ISY1: variants seen among roughly 807,000 people sequenced by gnomAD.
The protein encoded by ISY1 is pre-mRNA-splicing factor ISY1 homolog.
Under a neutral mutation model 54.4 loss-of-function variants are expected in ISY1, and 12 were observed. The ratio of observed to expected loss-of-function variants is 0.22; its 90% CI spans 0.14 to 0.36. The LOEUF (loss-of-function observed/expected upper bound fraction) is 0.36, where lower values mean the gene tolerates loss of function less well. Among genes scored for constraint, ISY1 ranks in the 10% least tolerant of loss-of-function variants. The pLI, the probability that ISY1 is intolerant of heterozygous loss-of-function variation, is 1.00. For missense variants in ISY1, 282 were observed against 342.2 expected (o/e 0.82, Z 1.39); for synonymous variants, 96 against 117.9 (o/e 0.81, Z 1.20).
chr3:129,160,918 G>GGCCCGGGGGGGGGGGGGGGGCC (rs1937290161), intron 1 of ISY1, 55 bp downstream of exon 1: 2 of 666,126 alleles, frequency 3.0e-6, no homozygotes, highest in Non-Finnish European at 5.5e-6. Flanking sequence ...TGGACTGGGC[G>GGCCCGGGGGGGGGGGGGGGGCC]CCCCCCCGCC....
intron 3 of ISY1, among the ~76,000 whole-genome samples, chr3:129,157,227 AAAAC>A (rs1937167626): frequency 6.6e-6 from 1 of 152,244 alleles, no homozygotes; most frequent in Non-Finnish European, 1.5e-5. Context: ...ATCAGTGTTT[AAAAC>A]AAACATACAT....
chr3:129,135,048 G>T, intron 7 of ISY1, 94 bp from the exon 8 acceptor site: 5 of 1,435,404 alleles, frequency 3.5e-6, no homozygotes, highest in Non-Finnish European at 3.7e-6. Context: ...CACGTGGCAC[G>T]TATGTTCATG....
Position 129,159,248 on chromosome 3 carries a change from G to A in ISY1, c.4-72C>T, listed in dbSNP as rs1937234172. 4.5e-6 allele frequency: 7 copies of A among 1,564,640 alleles called. No homozygotes were observed. The South Asian group carries it at 8.4e-5, about 19-fold the overall frequency. On this transcript the variant is annotated intron_variant, in intron 1 of 10. Transcript: ENST00000393295. ...TTTTTTTCTTGCCCTTTACTTTTTA[G>A]TGAAAAGTTTTACAAGAATACAATC...
chr3:129,151,142 AT>A (rs1360817363), intron 5 of ISY1, among the ~76,000 whole-genome samples: 47 of 101,696 alleles, frequency 4.6e-4, no homozygotes, highest in African/African-American at 1.9e-3. Context: ...ATATATATAT[AT>A]AAATATATAA....
At chr3:129,148,275 T>G (rs538139825) in intron 5 of ISY1, among the ~76,000 whole-genome samples, 1 of 152,328 alleles carries the variant, frequency 6.6e-6, no homozygotes, top group South Asian at 2.1e-4. Context: ...AACAGAAAAG[T>G]ATTACATTTC....
chr3:129,141,094 C>A (rs1388092962), intron 6 of ISY1, among the ~76,000 whole-genome samples: 1 of 150,872 alleles, frequency 6.6e-6, no homozygotes, highest in Non-Finnish European at 1.5e-5. Context: ...ATCCCAGCTA[C>A]TCAGGAGACT....
At chr3:129,140,221 T>C in intron 7 of ISY1, 147 bp downstream of exon 7, 1 of 723,536 alleles carries the variant, frequency 1.4e-6, no homozygotes, top group Non-Finnish European at 2.2e-6. Flanking sequence ...TTCTTAAGAA[T>C]TCTCAGTTAA....
intron 5 of ISY1, among the ~76,000 whole-genome samples, chr3:129,153,603 G>A (rs563573622): frequency 3.5e-4 from 53 of 150,742 alleles, no homozygotes; most frequent in Non-Finnish European, 5.6e-4. Flanking sequence ...CTAACATGGT[G>A]AAACCCCGTC....
rs1007091662 is a variant in ISY1, at chr3:129,129,102, GC to G, written c.*978del. The G allele has an allele frequency of 6.6e-6, 1 of 152,306 alleles. No individual in the cohort carries two copies. Among genetic ancestry groups the G allele is most frequent in the African/African-American group, 2.4e-5 (1 of 41,464 alleles). The allele number at this position is 152,306 out of a possible 1,614,324, so 9.4% of individuals were successfully genotyped here. On this transcript the variant is annotated 3_prime_UTR_variant, in exon 11 of 11. Transcript: ENST00000393295. ...AGGGACTCCCCTGCAGGAAGGCAGT[GC>G]CCCTTAGTGACTGGTCACATCCTAA...
Position 129,129,973 on chromosome 3 carries a change from G to A in ISY1, c.*108C>T. 1.2e-6 allele frequency: 1 copy of A among 800,760 alleles called. No homozygotes were observed. The highest frequency in any genetic ancestry group is 2.0e-6 in the Non-Finnish European group (1 of 512,212). The allele number at this position is 800,760 out of a possible 1,614,324, so 49.6% of individuals were successfully genotyped here. ...CATGAGACAAGGAGAGGGAAGGAAG[G>A]CTGAGAATGGGGCAGGAGCCCTTGC... On this transcript the variant is annotated 3_prime_UTR_variant, in exon 11 of 11. Coordinates refer to ENST00000393295, the MANE Select transcript of ISY1 (RefSeq NM_020701.4).
At chr3:129,160,026 C>G (rs1438829338) in intron 1 of ISY1, among the ~76,000 whole-genome samples, 1 of 147,146 alleles carries the variant, frequency 6.8e-6, no homozygotes, top group East Asian at 2.0e-4. Flanking sequence ...ACGGCTACTA[C>G]TTTTTTTTTT....
At position 129,145,742 on chromosome 3, in the gene ISY1, G is replaced by A. The variant is rs1936749419; in HGVS notation, c.300+19C>T. Reference sequence around the variant, plus strand: ...GGAAAACTAGACAAGACCCGCCACTGGGGCTGCCATGTACTCACTCCATAA... The same window carrying A: ...GGAAAACTAGACAAGACCCGCCACTAGGGCTGCCATGTACTCACTCCATAA... On this transcript the variant is annotated intron_variant, in intron 6 of 10. Coordinates refer to ENST00000393295, the MANE Select transcript of ISY1 (RefSeq NM_020701.4). The A allele has an allele frequency of 6.2e-7, 1 of 1,609,834 alleles. No individual in the cohort carries two copies. The highest frequency in any genetic ancestry group is 1.7e-5 in the Admixed American group (1 of 59,236).
chr3:129,155,278 T>G (rs1490563874), intron 5 of ISY1, among the ~76,000 whole-genome samples: 1 of 151,968 alleles, frequency 6.6e-6, no homozygotes. Context: ...CACTACAACC[T>G]CCGCCTCCCG....
At chr3:129,146,362 A>G (rs1236669936) in intron 5 of ISY1, among the ~76,000 whole-genome samples, 1 of 152,190 alleles carries the variant, frequency 6.6e-6, no homozygotes, top group African/African-American at 2.4e-5. Context: ...TGCCTAAGGG[A>G]TTAATTGAAA....
At position 129,136,892 on chromosome 3, in the gene ISY1, T is replaced by A. The variant is rs190791296; in HGVS notation, c.419-1938A>T. 7.9e-4 allele frequency among the ~76,000 whole-genome samples: 117 copies of A among 147,932 alleles called. 2 individuals carry two copies. The East Asian group carries it at 0.016, about 21-fold the overall frequency. Reference sequence around the variant, plus strand: ...TCTTCTTCTTTTTTTTTTTATTTTTTATTTTTTAATTTTATTTTTTTAGAC... The same window carrying A: ...TCTTCTTCTTTTTTTTTTTATTTTTAATTTTTTAATTTTATTTTTTTAGAC... On this transcript the variant is annotated intron_variant, in intron 7 of 10. Transcript: ENST00000393295.
At chr3:129,130,299 A>C in intron 10 of ISY1, 111 bp from the exon 11 acceptor site, 1 of 1,396,434 alleles carries the variant, frequency 7.2e-7, no homozygotes, top group Non-Finnish European at 9.5e-7. Context: ...AGTCTGATTT[A>C]AATACGCAGA....
rs1937299347 is a variant in ISY1 at position 129,161,048 on chromosome 3, G to A, written c.-73C>T. 2 of 1,529,180 alleles carry A rather than the reference G, an allele frequency of 1.3e-6. No individual in the cohort carries two copies. Among genetic ancestry groups the A allele is most frequent in the Non-Finnish European group, 1.8e-6 (2 of 1,135,784 alleles). The allele number at this position is 1,529,180 out of a possible 1,614,324, so 94.7% of individuals were successfully genotyped here. On this transcript the variant is annotated 5_prime_UTR_variant, in exon 1 of 11. Coordinates refer to ENST00000393295, the MANE Select transcript of ISY1 (RefSeq NM_020701.4). ...AAACTCCACAGGCCCAGAAGACGCC[G>A]ACGCTCACAGGAACTGAAGATTCCA...
Position 129,134,965 on chromosome 3 carries a change from C to T in ISY1, c.419-11G>A, listed in dbSNP as rs757457691. 5.6e-6 allele frequency: 9 copies of T among 1,598,270 alleles called. No individual in the cohort carries two copies. The highest frequency in any genetic ancestry group is 7.7e-6 in the Non-Finnish European group (9 of 1,171,322). On this transcript the variant is annotated splice_polypyrimidine_tract_variant and intron_variant, in intron 7 of 10. Coordinates refer to ENST00000393295, the MANE Select transcript of ISY1 (RefSeq NM_020701.4). ...TGGGAGGAGGAAGAGCTATAAGAAA[C>T]AGAAATGGAGCTGAGTTTCCAAGTC...
chr3:129,146,714 G>A (rs983985961), intron 5 of ISY1, among the ~76,000 whole-genome samples: 12 of 152,100 alleles, frequency 7.9e-5, no homozygotes, highest in Non-Finnish European at 1.6e-4. Context: ...CATTAAAAAC[G>A]GGGGAATTTT....
Sources: allele counts gnomAD v4.1 joint callset (sites outside exome capture counted in the v4.1 genomes callset), GRCh38; gene constraint gnomAD v4.1.1; transcripts MANE v1.5; gene names NCBI Gene and HGNC (gene_info 2026-07-23, HGNC 2026-07-21).